The following USP18 variants were observed in gnomAD, a reference collection of about 807,000 sequenced individuals.
USP18 encodes ubiquitin specific peptidase 18.
USP18 carries 11 observed loss-of-function variants against 48.7 expected under a neutral mutation model. That is an observed-to-expected ratio of 0.23 (90% confidence interval 0.14 to 0.37). The LOEUF (loss-of-function observed/expected upper bound fraction) is 0.37, where lower values mean the gene tolerates loss of function less well. Ranked by LOEUF, USP18 falls within the 10% of genes least tolerant of loss-of-function variation. The pLI, the probability that USP18 is intolerant of heterozygous loss-of-function variation, is 1.00. For missense variants in USP18, 285 were observed against 436.4 expected (o/e 0.65, Z 3.09); for synonymous variants, 114 against 163.2 (o/e 0.70, Z 2.30).
chr22:18,167,623 G>A (rs988510630), intron 5 of USP18, among the ~76,000 whole-genome samples: 10 of 150,298 alleles, frequency 6.7e-5, no homozygotes, highest in Admixed American at 2.0e-4. Context: ...GCGTGAACCC[G>A]GGAAGCGGAG....
intron 6 of USP18, 60 bp from the exon 7 acceptor site, chr22:18,169,784 A>G: frequency 1.3e-6 from 2 of 1,537,986 alleles, no homozygotes; most frequent in Admixed American, 2.0e-5. Flanking sequence ...ACAGATGAAT[A>G]TAGTATTCTA....
chr22:18,151,659 T>A (rs896994525), intron 1 of USP18, among the ~76,000 whole-genome samples: 1 of 152,158 alleles, frequency 6.6e-6, no homozygotes, highest in Non-Finnish European at 1.5e-5. Flanking sequence ...ACGAGCTGTT[T>A]TTTTTTTTGA....
At chr22:18,154,411 A>G (rs1929074331) in intron 1 of USP18, among the ~76,000 whole-genome samples, 1 of 152,158 alleles carries the variant, frequency 6.6e-6, no homozygotes, top group South Asian at 2.1e-4. Context: ...TATAAGAAAT[A>G]GTGCTTCGAT....
At chr22:18,160,094 A>G (rs1929286273) in intron 2 of USP18, 78 bp from the exon 3 acceptor site, 8 of 1,399,176 alleles carry the variant, frequency 5.7e-6, no homozygotes, top group Non-Finnish European at 7.1e-6. Flanking sequence ...AATTACAGGC[A>G]TGAGCCACCA....
At chr22:18,173,091 G>T in intron 8 of USP18, 59 bp from the exon 9 acceptor site, 2 of 1,605,504 alleles carry the variant, frequency 1.2e-6, no homozygotes, top group Non-Finnish European at 8.5e-7. Context: ...AGGTATAAAT[G>T]TGTGAGGCAG....
chr22:18,154,421 T>C (rs1929074735), intron 1 of USP18, among the ~76,000 whole-genome samples: 1 of 152,178 alleles, frequency 6.6e-6, no homozygotes, highest in Admixed American at 6.5e-5. Flanking sequence ...AGTGCTTCGA[T>C]GTTACCCATT....
intron 1 of USP18, among the ~76,000 whole-genome samples, chr22:18,153,220 G>A (rs1267115909): frequency 6.6e-6 from 1 of 152,150 alleles, no homozygotes; most frequent in Non-Finnish European, 1.5e-5. Context: ...CCTGAGGTCA[G>A]GAGTTCAAGA....
intron 4 of USP18, among the ~76,000 whole-genome samples, chr22:18,165,385 A>T (rs1929446850): frequency 1.9e-5 from 1 of 53,768 alleles, no homozygotes; most frequent in Non-Finnish European, 3.7e-5. Context: ...GTTTGGTAGA[A>T]CCCATCGTTC....
intron 9 of USP18, 111 bp downstream of exon 9, chr22:18,173,392 G>A (rs1929692190): frequency 6.8e-7 from 1 of 1,481,456 alleles, no homozygotes; most frequent in Non-Finnish European, 9.1e-7. Context: ...TGATCCTGCT[G>A]TCTGGGTGTG....
At chr22:18,166,542 G>A (rs1472231217) in intron 4 of USP18, among the ~76,000 whole-genome samples, 1 of 151,194 alleles carries the variant, frequency 6.6e-6, no homozygotes, top group Non-Finnish European at 1.5e-5. Flanking sequence ...ATAATGTAAG[G>A]TGGCAACACT....
intron 3 of USP18, among the ~76,000 whole-genome samples, chr22:18,160,787 T>G (rs1294182418): frequency 6.7e-6 from 1 of 149,910 alleles, no homozygotes; most frequent in African/African-American, 2.5e-5. Flanking sequence ...TTTTTTTTTT[T>G]TGAGATGAAG....
chr22:18,158,827 T>C (rs1248705176), intron 2 of USP18, among the ~76,000 whole-genome samples: 2 of 152,160 alleles, frequency 1.3e-5, no homozygotes, highest in Admixed American at 1.3e-4. Flanking sequence ...ATAGACATAC[T>C]GGGGAGTCCC....
chr22:18,159,815 A>G (rs2123731153), intron 2 of USP18, among the ~76,000 whole-genome samples: 1 of 151,672 alleles, frequency 6.6e-6, no homozygotes, highest in South Asian at 2.1e-4. Flanking sequence ...AGCTGGGACT[A>G]CAGGCGCCCA....
In USP18 at chr22:18,160,131, C is replaced by T. The variant is rs187526251; in HGVS notation, c.158-41C>T. On this transcript the variant is annotated intron_variant, in intron 2 of 10. Transcript: ENST00000215794. ...GCCCAGCCTTGTCAACTTCTTTACCCTAGGCCTTGCCCTCAGCATTTTTTT... is the reference window on the plus strand; with the variant it reads ...GCCCAGCCTTGTCAACTTCTTTACCTTAGGCCTTGCCCTCAGCATTTTTTT... The T allele has an allele frequency of 8.8e-5, 140 of 1,592,548 alleles. No homozygotes were observed. In the East Asian group the frequency reaches 2.6e-3, roughly 30 times the overall value.
In USP18 at chr22:18,163,450, T is replaced by G. The variant is rs1929382315; in HGVS notation, c.400+1515T>G. Among the ~76,000 whole-genome samples, 3 of 152,118 alleles carry G rather than the reference T, an allele frequency of 2.0e-5. No homozygotes were observed. The South Asian group carries it at 6.2e-4, about 32-fold the overall frequency. ...TGAGGTCAGGCGATGGAGACCATCC[T>G]GGCTAACACGGTGAAACCCTGTCTC... On this transcript the variant is annotated intron_variant, in intron 4 of 10. Coordinates refer to ENST00000215794, the MANE Select transcript of USP18 (RefSeq NM_017414.4).
chr22:18,154,842 T>C (rs1158961513), intron 1 of USP18, among the ~76,000 whole-genome samples: 1 of 152,222 alleles, frequency 6.6e-6, no homozygotes, highest in Non-Finnish European at 1.5e-5. Context: ...TGTGTGTCAA[T>C]GTCTGTGCAT....
chr22:18,170,227 G>A (rs923312831), intron 7 of USP18, among the ~76,000 whole-genome samples: 4 of 151,404 alleles, frequency 2.6e-5, no homozygotes, highest in African/African-American at 7.3e-5. Flanking sequence ...GTCCAAACCC[G>A]TGCTGTTCAG....
chr22:18,175,513 A>T (rs1929760719), intron 10 of USP18, among the ~76,000 whole-genome samples: 1 of 149,058 alleles, frequency 6.7e-6, no homozygotes, highest in Admixed American at 6.6e-5. Flanking sequence ...TATTGAGATC[A>T]GAGGTTGGCA....
chr22:18,153,284 C>G (rs1929044933), intron 1 of USP18, among the ~76,000 whole-genome samples: 1 of 152,132 alleles, frequency 6.6e-6, no homozygotes, highest in South Asian at 2.1e-4. Context: ...CAAAAATTAG[C>G]CATGCGTGGT....
Sources: gnomAD v4.1 joint callset for allele counts (sites outside exome capture counted in the v4.1 genomes callset) on GRCh38, gnomAD v4.1.1 for gene constraint, MANE v1.5 for transcripts, NCBI Gene and HGNC (gene_info 2026-07-23, HGNC 2026-07-21) for gene names.